TXNRD2: variants seen among roughly 807,000 people sequenced by gnomAD.
TXNRD2 encodes thioredoxin reductase 2.
TXNRD2 carries 67 observed loss-of-function variants against 70.8 expected under a neutral mutation model. The ratio of observed to expected loss-of-function variants is 0.95; its 90% CI spans 0.78 to 1.16. TXNRD2 has a LOEUF of 1.16. Ranked by LOEUF, TXNRD2 falls within the 50% of genes most tolerant of loss-of-function variation. The pLI, the probability that TXNRD2 is intolerant of heterozygous loss-of-function variation, is 0.00. For synonymous variants in TXNRD2, 301 were observed against 295.8 expected (o/e 1.02, Z -0.18); for missense variants, 644 against 719.9 (o/e 0.89, Z 1.21).
At chr22:19,918,715 G>A (rs1940748196) in intron 4 of TXNRD2, 145 bp downstream of exon 4, 1 of 988,482 alleles carries the variant, frequency 1.0e-6, no homozygotes, top group Non-Finnish European at 1.5e-6. Context: ...AAATGTCTGA[G>A]GCAGACAGCG....
chr22:19,906,082 G>A (rs1939998494), intron 8 of TXNRD2, among the ~76,000 whole-genome samples: 1 of 152,022 alleles, frequency 6.6e-6, no homozygotes. Context: ...TGCACCACAA[G>A]CGACAGAGGA....
intron 2 of TXNRD2, among the ~76,000 whole-genome samples, chr22:19,924,344 G>A (rs1036144150): frequency 2.0e-5 from 3 of 151,934 alleles, no homozygotes; most frequent in Non-Finnish European, 4.4e-5. Context: ...CACATCTCCC[G>A]CCCACAAGCA....
chr22:19,899,874 C>T (rs566213836), intron 8 of TXNRD2, among the ~76,000 whole-genome samples: 2 of 152,190 alleles, frequency 1.3e-5, no homozygotes, highest in Non-Finnish European at 1.5e-5. Flanking sequence ...CACATGCAAA[C>T]GGGCACAGAA....
intron 11 of TXNRD2, among the ~76,000 whole-genome samples, chr22:19,885,103 G>A (rs553433449): frequency 6.6e-6 from 1 of 152,266 alleles, no homozygotes; most frequent in Admixed American, 6.5e-5. Flanking sequence ...AGAGGGCACC[G>A]CATGGGCCTC....
rs114352471 is a variant in TXNRD2, at chr22:19,895,226, C to T, written c.949+181G>A. ...CTGGGGATGGCAAGATGGGCACAGC[C>T]TAGTGTGAGTGCCGCCCCACAGGCC... On this transcript the variant is annotated intron_variant, in intron 11 of 17. Coordinates refer to ENST00000400521, the MANE Select transcript of TXNRD2 (RefSeq NM_006440.5). 76 of 1,596,780 alleles carry T rather than the reference C, an allele frequency of 4.8e-5. No individual in the cohort carries two copies. In the African/African-American group the frequency reaches 8.3e-4, roughly 17 times the overall value.
At chr22:19,889,448 T>C (rs749192999) in intron 11 of TXNRD2, among the ~76,000 whole-genome samples, 33 of 151,850 alleles carry the variant, frequency 2.2e-4, no homozygotes, top group Non-Finnish European at 3.7e-4. Context: ...CTGTCTCTAC[T>C]AAAAATACAA....
chr22:19,926,904 T>C (rs1464046206), intron 2 of TXNRD2, among the ~76,000 whole-genome samples: 1 of 152,156 alleles, frequency 6.6e-6, no homozygotes, highest in Non-Finnish European at 1.5e-5. Context: ...TGACTGCCAA[T>C]GGGTACAGGG....
chr22:19,905,510 G>A lies in TXNRD2; in HGVS notation c.662+5867C>T, dbSNP rs117070783. 5.3e-4 allele frequency among the ~76,000 whole-genome samples: 81 copies of A among 152,252 alleles called. No individual in the cohort carries two copies. In the East Asian group the frequency reaches 7.3e-3, roughly 14 times the overall value. Reference sequence around the variant, plus strand: ...GCAAGGCCAGGGCACCCAGAGCACCGGGCCCCCTCCCCAGGCCCAAGCGGG... The same window carrying A: ...GCAAGGCCAGGGCACCCAGAGCACCAGGCCCCCTCCCCAGGCCCAAGCGGG... On this transcript the variant is annotated intron_variant, in intron 8 of 17. Transcript: ENST00000400521.
At position 19,918,230 on chromosome 22, in the gene TXNRD2, G is replaced by A. The variant is rs375843760; in HGVS notation, c.375-13C>T. On this transcript the variant is annotated splice_polypyrimidine_tract_variant and intron_variant, in intron 4 of 17. Coordinates refer to ENST00000400521, the MANE Select transcript of TXNRD2 (RefSeq NM_006440.5). ...TGCCATCTTCCTCCTGTGAAGATAC[G>A]AAACAAAATGTAAAATCCACAACAC... The A allele has an allele frequency of 3.1e-6, 5 of 1,613,182 alleles. No homozygotes were observed. Among genetic ancestry groups the A allele is most frequent in the African/African-American group, 1.3e-5 (1 of 75,050 alleles).
At chr22:19,929,364 C>T (rs1248964679) in intron 2 of TXNRD2, among the ~76,000 whole-genome samples, 2 of 147,666 alleles carry the variant, frequency 1.4e-5, no homozygotes, top group Non-Finnish European at 3.0e-5. Flanking sequence ...TATACAGGTA[C>T]AGTGGCCACA....
intron 11 of TXNRD2, chr22:19,887,740 C>T (rs1939094309): frequency 6.6e-6 from 1 of 152,336 alleles, no homozygotes; most frequent in Admixed American, 6.5e-5. Context: ...GCCAACAGAG[C>T]TGTGGTCAAT....
intron 2 of TXNRD2, among the ~76,000 whole-genome samples, chr22:19,924,395 G>A (rs1047258189): frequency 1.3e-5 from 2 of 152,150 alleles, no homozygotes; most frequent in Non-Finnish European, 2.9e-5. Context: ...AGCCTCATCA[G>A]CTGCAGCATC....
Position 19,941,808 on chromosome 22 carries a change from GTGGGGCTTC to G in TXNRD2, c.-14_-6del. The G allele has an allele frequency of 6.5e-7, 1 of 1,532,898 alleles. No homozygotes were observed. The highest frequency in any genetic ancestry group is 8.7e-7 in the Non-Finnish European group (1 of 1,150,768). 95.0% of individuals were successfully genotyped at this position (1,532,898 alleles called of 1,614,324 possible). A position where few individuals can be genotyped will look rare whatever the true frequency, so the allele number is the denominator to read the frequency against. ...CGCCACCGCCATTGCCGCCATCGTCGTGGGGCTTCTGGGGCAGCTAGGGCTGCCCGCCGC... is the reference window on the plus strand; with the variant it reads ...CGCCACCGCCATTGCCGCCATCGTCGTGGGGCAGCTAGGGCTGCCCGCCGC... On this transcript the variant is annotated 5_prime_UTR_variant, in exon 1 of 18. Transcript: ENST00000400521.
chr22:19,936,341 C>T (rs796075210), intron 1 of TXNRD2, among the ~76,000 whole-genome samples: 2 of 152,158 alleles, frequency 1.3e-5, no homozygotes, highest in Non-Finnish European at 2.9e-5. Flanking sequence ...CCTGACGATA[C>T]TGAGGATTCA....
chr22:19,901,764 G>C (rs1426890710), intron 8 of TXNRD2, among the ~76,000 whole-genome samples: 2 of 152,200 alleles, frequency 1.3e-5, no homozygotes, highest in Admixed American at 6.5e-5. Context: ...CAGGGGTAGG[G>C]ACAGACAGGA....
At chr22:19,924,032 T>C (rs778312613) in intron 2 of TXNRD2, among the ~76,000 whole-genome samples, 9 of 151,690 alleles carry the variant, frequency 5.9e-5, no homozygotes, top group Non-Finnish European at 1.3e-4. Context: ...AGAGTCTCAC[T>C]TTGTTGCCCA....
At chr22:19,899,274 G>C (rs8142006) in intron 8 of TXNRD2, among the ~76,000 whole-genome samples, 6 of 152,126 alleles carry the variant, frequency 3.9e-5, no homozygotes, top group Non-Finnish European at 2.9e-5. Context: ...AAATCGCCTG[G>C]TGGTGAAGGG....
chr22:19,889,597 T>A (rs1734000035), intron 11 of TXNRD2, among the ~76,000 whole-genome samples: 1 of 152,070 alleles, frequency 6.6e-6, no homozygotes, highest in East Asian at 1.9e-4. Context: ...GCAACAGAGC[T>A]AGACACCGTC....
chr22:19,934,851 C>T (rs5748482), intron 1 of TXNRD2, among the ~76,000 whole-genome samples: 33,828 of 152,094 alleles, frequency 0.22, 4,177 homozygotes, highest in Middle Eastern at 0.34. Context: ...CATGAGCCAC[C>T]GCGCCTGGGC....
Sources: allele counts gnomAD v4.1 joint callset (sites outside exome capture counted in the v4.1 genomes callset), GRCh38; gene constraint gnomAD v4.1.1; transcripts MANE v1.5; gene names NCBI Gene and HGNC (gene_info 2026-07-23, HGNC 2026-07-21).